The following EPS8L3 variants were observed in gnomAD, a reference collection of about 807,000 sequenced individuals.
The protein encoded by EPS8L3 is epidermal growth factor receptor kinase substrate 8-like protein 3.
EPS8L3 carries 80 observed loss-of-function variants against 88.5 expected under a neutral mutation model. That is an observed-to-expected ratio of 0.90 (90% CI 0.75 to 1.09). The LOEUF (loss-of-function observed/expected upper bound fraction) is 1.09, where lower values mean the gene tolerates loss of function less well. Among genes scored for constraint, EPS8L3 ranks in the 50% least tolerant of loss-of-function variants. The pLI is 0.00. For synonymous variants in EPS8L3, 286 were observed against 291.0 expected (o/e 0.98, Z 0.18); for missense variants, 721 against 735.2 (o/e 0.98, Z 0.22).
intron 12 of EPS8L3, among the ~76,000 whole-genome samples, chr1:109,756,662 G>A (rs1447369164): frequency 1.3e-5 from 2 of 152,142 alleles, no homozygotes; most frequent in Admixed American, 1.3e-4. Context: ...CATCTCTTAC[G>A]TCAGTAATTC....
At chr1:109,761,431 C>T (rs546744016) in intron 3 of EPS8L3, 64 bp downstream of exon 3, 55 of 1,420,946 alleles carry the variant, frequency 3.9e-5, no homozygotes, top group Middle Eastern at 1.8e-4. Flanking sequence ...TCTGGCAGGG[C>T]GGTGGGCACA....
At chr1:109,761,061 C>T (rs1165073580) in intron 3 of EPS8L3, among the ~76,000 whole-genome samples, 1 of 152,128 alleles carries the variant, frequency 6.6e-6, no homozygotes, top group Non-Finnish European at 1.5e-5. Context: ...TCTCAATCCC[C>T]CACAGGGCCC....
intron 1 of EPS8L3, 30 bp from the exon 2 acceptor site, chr1:109,761,803 A>G (rs1570709042): frequency 1.9e-6 from 3 of 1,605,242 alleles, no homozygotes; most frequent in African/African-American, 2.7e-5. Flanking sequence ...AGAGGCAGCC[A>G]TCAGAGCTGG....
intron 3 of EPS8L3, 190 bp downstream of exon 3, chr1:109,761,305 C>T (rs1347780536): frequency 1.7e-6 from 1 of 596,616 alleles, no homozygotes; most frequent in Non-Finnish European, 3.0e-6. Context: ...GACCACCCCT[C>T]CCCGTCCCTG....
In EPS8L3 at chr1:109,752,537, A is replaced by G. The variant is rs202157162; in HGVS notation, c.1235+149T>C. The G allele has an allele frequency of 1.7e-4, 119 of 715,108 alleles. 1 individual carries two copies. In the East Asian group the frequency reaches 2.6e-3, roughly 15 times the overall value. The allele number at this position is 715,108 out of a possible 1,614,324, so 44.3% of individuals were successfully genotyped here. ...AGGGTAGAACACTGTTTTTCACCCA[A>G]GGTAGGAGAGGGATGTCCTTGTACA... On this transcript the variant is annotated intron_variant, in intron 14 of 18. Coordinates refer to ENST00000361965, the MANE Select transcript of EPS8L3 (RefSeq NM_133181.4).
intron 15 of EPS8L3, 33 bp from the exon 16 acceptor site, chr1:109,751,815 C>G (rs759084990): frequency 1.2e-6 from 2 of 1,610,390 alleles, no homozygotes. Flanking sequence ...TCCCCTGAGC[C>G]TCTTTCCAGC....
In EPS8L3 at chr1:109,759,539, G is replaced by T; in HGVS notation, c.255+139C>A. ...CCTCTGTCCCCAGCCTCTGTCCCCT[G>T]TCTCTTCCTAGGCTTGGGTGTGTGT... On this transcript the variant is annotated intron_variant, in intron 4 of 18. Coordinates refer to ENST00000361965, the MANE Select transcript of EPS8L3 (RefSeq NM_133181.4). The surrounding 1 kb of genome is among the most constrained non-coding windows in gnomAD (Gnocchi z 4.2). 6.7e-7 allele frequency: 1 copy of T among 1,482,878 alleles called. No individual in the cohort carries two copies. The highest frequency in any genetic ancestry group is 9.1e-7 in the Non-Finnish European group (1 of 1,101,220). 91.9% of individuals were successfully genotyped at this position (1,482,878 alleles called of 1,614,324 possible).
intron 1 of EPS8L3, among the ~76,000 whole-genome samples, chr1:109,762,555 C>T (rs763879513): frequency 3.3e-5 from 5 of 152,182 alleles, no homozygotes; most frequent in African/African-American, 7.2e-5. Flanking sequence ...ATAGCCACCA[C>T]GGTGCTGTGA....
intron 11 of EPS8L3, 67 bp from the exon 12 acceptor site, chr1:109,757,232 C>T (rs1186402546): frequency 8.1e-6 from 12 of 1,487,446 alleles, no homozygotes; most frequent in East Asian, 7.2e-5. Context: ...GTGGGAAAGG[C>T]CCAGAGTCCC....
chr1:109,752,475 T>C (rs1462379063), intron 14 of EPS8L3, among the ~76,000 whole-genome samples: 1 of 152,042 alleles, frequency 6.6e-6, no homozygotes, highest in African/African-American at 2.4e-5. Flanking sequence ...GAAGCATGTG[T>C]GGGTAGTATC....
rs1381599063 is a variant in EPS8L3, at chr1:109,761,385, G to T, written c.96+110C>A. 4.2e-6 allele frequency: 4 copies of T among 941,182 alleles called. No individual in the cohort carries two copies. The Admixed American group carries it at 9.5e-5, about 22-fold the overall frequency. The allele number at this position is 941,182 out of a possible 1,614,324, so 58.3% of individuals were successfully genotyped here. A position where few individuals can be genotyped will look rare whatever the true frequency, so the allele number is the denominator to read the frequency against. On this transcript the variant is annotated intron_variant, in intron 3 of 18. Coordinates refer to ENST00000361965, the MANE Select transcript of EPS8L3 (RefSeq NM_133181.4). Reference sequence around the variant, plus strand: ...GCGACATGGTTGGGACAGGCTGTTGGCTTCTGGGGCAGGGACTTGTGTGAA... The same window carrying T: ...GCGACATGGTTGGGACAGGCTGTTGTCTTCTGGGGCAGGGACTTGTGTGAA...
At chr1:109,753,418 C>T (rs964874664) in intron 12 of EPS8L3, among the ~76,000 whole-genome samples, 6 of 152,192 alleles carry the variant, frequency 3.9e-5, no homozygotes, top group Non-Finnish European at 7.3e-5. Flanking sequence ...TGGGGGTCAA[C>T]CTCACCTCTG....
At chr1:109,752,627 G>T in intron 14 of EPS8L3, 59 bp downstream of exon 14, 1 of 1,474,470 alleles carries the variant, frequency 6.8e-7, no homozygotes, top group South Asian at 1.2e-5. Flanking sequence ...AGATCCAAAG[G>T]AACAGCCCTG....
At chr1:109,762,246 C>T (rs1337215872) in intron 1 of EPS8L3, among the ~76,000 whole-genome samples, 1 of 152,184 alleles carries the variant, frequency 6.6e-6, no homozygotes, top group Non-Finnish European at 1.5e-5. Context: ...GATGCTGGCT[C>T]TTCAGCTGTA....
At chr1:109,753,272 G>T in intron 12 of EPS8L3, 74 bp from the exon 13 acceptor site, 15 of 1,244,902 alleles carry the variant, frequency 1.2e-5, no homozygotes, top group Non-Finnish European at 1.6e-5. Flanking sequence ...CGCGGACAGG[G>T]AGGGGACGAC....
Position 109,761,396 on chromosome 1 carries a change from A to T in EPS8L3, c.96+99T>A, listed in dbSNP as rs536323381. ...GGGACAGGCTGTTGGCTTCTGGGGC[A>T]GGGACTTGTGTGAAGTGTCCATGTT... is the stretch of plus-strand genomic sequence containing the variant. On this transcript the variant is annotated intron_variant, in intron 3 of 18. Coordinates refer to ENST00000361965, the MANE Select transcript of EPS8L3 (RefSeq NM_133181.4). 6 of 1,053,758 alleles carry T rather than the reference A, an allele frequency of 5.7e-6. No homozygotes were observed. The Admixed American group carries it at 1.2e-4, about 20-fold the overall frequency. 65.3% of individuals were successfully genotyped at this position (1,053,758 alleles called of 1,614,324 possible). A position where few individuals can be genotyped will look rare whatever the true frequency, so the allele number is the denominator to read the frequency against.
intron 17 of EPS8L3, 75 bp from the exon 18 acceptor site, chr1:109,750,867 G>T (rs1649727577): frequency 1.3e-6 from 2 of 1,560,880 alleles, no homozygotes; most frequent in East Asian, 4.6e-5. Flanking sequence ...GCAGAGACAG[G>T]GCTCTTTGGG....
In EPS8L3 at chr1:109,751,461, C is replaced by T. The variant is rs1649785639; in HGVS notation, c.1564-110G>A. ...TTCCCATCAAATCACTTCTCTTACT[C>T]TGTGGCTTTCTGGTCTGGCAGGGAG... On this transcript the variant is annotated intron_variant, in intron 16 of 18. Transcript: ENST00000361965. 3 of 1,365,578 alleles carry T rather than the reference C, an allele frequency of 2.2e-6. No homozygotes were observed. The African/African-American group carries it at 4.3e-5, about 20-fold the overall frequency. The allele number at this position is 1,365,578 out of a possible 1,614,324, so 84.6% of individuals were successfully genotyped here. A position where few individuals can be genotyped will look rare whatever the true frequency, so the allele number is the denominator to read the frequency against.
intron 10 of EPS8L3, 99 bp from the exon 11 acceptor site, chr1:109,757,654 T>C: frequency 2.1e-6 from 3 of 1,406,714 alleles, no homozygotes; most frequent in South Asian, 1.2e-5. Context: ...GGCTGGCACT[T>C]CCCAAAAGTC....
Sources: gnomAD v4.1 joint callset for allele counts (sites outside exome capture counted in the v4.1 genomes callset) on GRCh38, gnomAD v4.1.1 for gene constraint, Gnocchi (gnomAD v3.1) non-coding constraint, MANE v1.5 for transcripts, NCBI Gene and HGNC (gene_info 2026-07-23, HGNC 2026-07-21) for gene names.